Variants in COL28A1 observed in about 807,000 individuals in gnomAD.
COL28A1 encodes the protein collagen alpha-1(XXVIII) chain.
Under a neutral mutation model 150.2 loss-of-function variants are expected in COL28A1, and 161 were observed. That is an observed-to-expected ratio of 1.07 (90% CI 0.94 to 1.22). COL28A1 has a LOEUF of 1.22. COL28A1 is among the 50% of genes most tolerant of loss of function. The pLI, the probability that COL28A1 is intolerant of heterozygous loss-of-function variation, is 0.00. For synonymous variants in COL28A1, 552 were observed against 469.7 expected (o/e 1.18, Z -2.26); for missense variants, 1,617 against 1,388.3 (o/e 1.16, Z -2.62).
In COL28A1 at chr7:7,452,335, C is replaced by T. The variant is rs200518519; in HGVS notation, c.1493G>A (p.Gly498Glu). ...TCAACTCACCTTTGGACCTTGTACT[C>T]CAATTCCCACTGGTCCTCGAGGGCC... is the stretch of plus-strand genomic sequence containing the variant. Reference protein sequence around the residue: ...PTGPRGPVGIGVQGPKGEPGS... With the variant: ...PTGPRGPVGIEVQGPKGEPGS... The change falls in exon 18 of 35, where the codon GGA (glycine) becomes GAA (glutamate). Residue 498 changes from glycine (G) to glutamate (E), a missense_variant. Gly to Glu is a moderately conservative substitution (Grantham distance 98). Transcript: ENST00000399429. 299 of 1,606,398 alleles carry T rather than the reference C, an allele frequency of 1.9e-4. 2 individuals carry two copies. The highest frequency in any genetic ancestry group is 5.0e-4 in the Middle Eastern group (3 of 6,044).
Position 7,379,463 on chromosome 7 carries a change from G to A in COL28A1, c.2322+1197C>T, listed in dbSNP as rs528938340. 1.2e-3 allele frequency among the ~76,000 whole-genome samples: 183 copies of A among 151,670 alleles called. No homozygotes were observed. In the Middle Eastern group the frequency reaches 0.027, roughly 23 times the overall value. Reference sequence around the variant, plus strand: ...ATCATACACCATTTTGTCTGCTCTGGACCCCGAGACCACATCTTCTATCAT... The same window carrying A: ...ATCATACACCATTTTGTCTGCTCTGAACCCCGAGACCACATCTTCTATCAT... On this transcript the variant is annotated intron_variant, in intron 30 of 34. Coordinates refer to ENST00000399429, the MANE Select transcript of COL28A1 (RefSeq NM_001037763.3).
chr7:7,474,049 A>G (rs116234167), intron 15 of COL28A1, among the ~76,000 whole-genome samples: 14,959 of 139,962 alleles, frequency 0.11, 896 homozygotes, highest in African/African-American at 0.17. Context: ...TATATATACT[A>G]TATACTCTAT....
At chr7:7,447,353 A>T (rs1003182693) in intron 18 of COL28A1, among the ~76,000 whole-genome samples, 5 of 152,150 alleles carry the variant, frequency 3.3e-5, no homozygotes, top group Non-Finnish European at 7.4e-5. Context: ...CTAAGGCAAG[A>T]AGACAGCTTG....
intron 27 of COL28A1, among the ~76,000 whole-genome samples, chr7:7,382,707 T>C (rs1467906971): frequency 1.3e-5 from 2 of 152,148 alleles, no homozygotes; most frequent in Non-Finnish European, 2.9e-5. Flanking sequence ...TCTGTGGTTT[T>C]CAAAACTATC....
At chr7:7,344,469 A>G in the COL28A1 span, among the ~76,000 whole-genome samples, 5 of 152,108 alleles carry the variant, frequency 3.3e-5, no homozygotes, top group African/African-American at 1.2e-4. Flanking sequence ...ACCTACTTAT[A>G]GTTAAGATTG....
At chr7:7,354,049 G>A (rs1780293220), downstream of COL28A1, among the ~76,000 whole-genome samples, 4 of 151,688 alleles carry the variant, frequency 2.6e-5, no homozygotes. Context: ...TTTGAGATGG[G>A]GTCTTGGTGT....
At chr7:7,462,513 AATAG>A (rs144148170) in intron 15 of COL28A1, among the ~76,000 whole-genome samples, 3,489 of 152,280 alleles carry the variant, frequency 0.023, 116 homozygotes, top group African/African-American at 0.08. Context: ...TATTCAATGA[AATAG>A]ATAGCATAAA....
intron 33 of COL28A1, among the ~76,000 whole-genome samples, chr7:7,368,943 C>T (rs954615445): frequency 3.3e-5 from 5 of 152,164 alleles, no homozygotes; most frequent in Admixed American, 2.0e-4. Context: ...ACCTATCTCC[C>T]TGAAAAAATG....
intron 27 of COL28A1, among the ~76,000 whole-genome samples, chr7:7,402,353 A>G (rs1251529344): frequency 6.6e-6 from 1 of 152,228 alleles, no homozygotes; most frequent in Non-Finnish European, 1.5e-5. Flanking sequence ...GAAGGAGTGG[A>G]TTCATTTTAG....
At chr7:7,444,251 A>G (rs1179251982) in intron 19 of COL28A1, among the ~76,000 whole-genome samples, 167 bp downstream of exon 19, 1 of 151,784 alleles carries the variant, frequency 6.6e-6, no homozygotes, top group Non-Finnish European at 1.5e-5. Flanking sequence ...TGAATAGGCC[A>G]CTCCTTCTCT....
chr7:7,489,472 T>A lies in COL28A1; in HGVS notation c.1096-15A>T. ...CCTCTTTCTCCCTAAGAGAAAGAAA[T>A]AATAGAATGAAAGCTTGAGATTTTA... On this transcript the variant is annotated splice_polypyrimidine_tract_variant and intron_variant, in intron 12 of 34. Transcript: ENST00000399429. 2 of 1,102,292 alleles carry A rather than the reference T, an allele frequency of 1.8e-6. No homozygotes were observed. Among genetic ancestry groups the A allele is most frequent in the Non-Finnish European group, 1.4e-6 (1 of 712,250 alleles). The allele number at this position is 1,102,292 out of a possible 1,614,324, so 68.3% of individuals were successfully genotyped here.
In COL28A1 at chr7:7,517,778, T is replaced by C. The variant is rs1207963018; in HGVS notation, c.855+18A>G. 6.2e-7 allele frequency: 1 copy of C among 1,613,418 alleles called. No homozygotes were observed. Among genetic ancestry groups the C allele is most frequent in the African/African-American group, 1.3e-5 (1 of 74,894 alleles). On this transcript the variant is annotated intron_variant, in intron 7 of 34. Transcript: ENST00000399429. ...CTAGGATCACTTTCTTAGGAAGGCA[T>C]TCCAGTTGTGTACATACCCCTGGAC...
chr7:7,523,536 C>T (rs907553067), intron 4 of COL28A1, among the ~76,000 whole-genome samples: 10 of 151,708 alleles, frequency 6.6e-5, no homozygotes, highest in African/African-American at 2.2e-4. Context: ...CATGGTGTGA[C>T]GTAGGTTTGG....
intron 32 of COL28A1, among the ~76,000 whole-genome samples, chr7:7,372,442 T>TAAAAAAAA (rs1554260229): frequency 1.4e-5 from 2 of 143,812 alleles, no homozygotes; most frequent in African/African-American, 5.9e-5. Context: ...AATAAATAAA[T>TAAAAAAAA]GGTTGTTCTT....
intron 27 of COL28A1, among the ~76,000 whole-genome samples, chr7:7,398,782 G>C (rs538790998): frequency 1.3e-5 from 2 of 152,270 alleles, no homozygotes; most frequent in South Asian, 4.1e-4. Flanking sequence ...GACTCTGCTA[G>C]AGACAAGGAT....
chr7:7,402,668 C>G (rs1423661297), intron 27 of COL28A1, among the ~76,000 whole-genome samples: 1 of 152,178 alleles, frequency 6.6e-6, no homozygotes, highest in Non-Finnish European at 1.5e-5. Context: ...AAAGGGACAA[C>G]AGACTCAATC....
chr7:7,502,355 G>A (rs1780581603), intron 11 of COL28A1, among the ~76,000 whole-genome samples: 2 of 152,208 alleles, frequency 1.3e-5, no homozygotes, highest in African/African-American at 2.4e-5. Context: ...CATGTGGAAA[G>A]TATTATTGAC....
At chr7:7,481,087 A>T (rs1789351668) in intron 13 of COL28A1, among the ~76,000 whole-genome samples, 1 of 152,242 alleles carries the variant, frequency 6.6e-6, no homozygotes, top group East Asian at 1.9e-4. Context: ...AGTTTTTACA[A>T]ATAAAAGCAG....
At chr7:7,341,373 C>T in the COL28A1 span, among the ~76,000 whole-genome samples, 1 of 151,726 alleles carries the variant, frequency 6.6e-6, no homozygotes, top group Admixed American at 6.6e-5. Context: ...ATGCTTTTAT[C>T]ATCTCATTAT....
Sources: gnomAD v4.1 joint callset for allele counts (sites outside exome capture counted in the v4.1 genomes callset) on GRCh38, gnomAD v4.1.1 for gene constraint, MANE v1.5 for transcripts, NCBI Gene and HGNC (gene_info 2026-07-23, HGNC 2026-07-21) for gene names.